Variants in NADK2 observed in about 807,000 individuals in gnomAD.
The protein encoded by NADK2 is NAD kinase domain-containing protein 1, mitochondrial.
A neutral mutation model predicts 62.1 loss-of-function variants in NADK2; 35 were observed. That is an observed-to-expected ratio of 0.56 (90% CI 0.43 to 0.75). The LOEUF (loss-of-function observed/expected upper bound fraction) is 0.75. Among genes scored for constraint, NADK2 ranks in the 30% least tolerant of loss-of-function variants. NADK2 has a pLI of 0.00. For synonymous variants in NADK2, 205 were observed against 207.9 expected (o/e 0.99, Z 0.12); for missense variants, 439 against 561.3 (o/e 0.78, Z 2.20).
In NADK2 at chr5:36,194,406, A is replaced by T. The variant is rs1202801800; in HGVS notation, c.*738T>A. 6.6e-6 allele frequency: 1 copy of T among 152,200 alleles called. No homozygotes were observed. Among genetic ancestry groups the T allele is most frequent in the East Asian group, 1.9e-4 (1 of 5,184 alleles). The allele number at this position is 152,200 out of a possible 1,614,324, so 9.4% of individuals were successfully genotyped here. ...AAGATGGAAGAAACCTGTAAGACTC[A>T]TATCATTTTAAAAAAATTGACTTAA... On this transcript the variant is annotated 3_prime_UTR_variant, in exon 12 of 12. Coordinates refer to ENST00000381937, the MANE Select transcript of NADK2 (RefSeq NM_001085411.3).
chr5:36,219,631 T>C lies in NADK2; in HGVS notation c.609A>G (p.Pro203=), dbSNP rs1020116175. 6.2e-7 allele frequency: 1 copy of C among 1,614,080 alleles called. No individual in the cohort carries two copies. The highest frequency in any genetic ancestry group is 1.3e-5 in the African/African-American group (1 of 75,044). The change falls in exon 5 of 12, where the codon CCA becomes CCG. Residue 203 remains proline (P), a synonymous_variant. Coordinates refer to ENST00000381937, the MANE Select transcript of NADK2 (RefSeq NM_001085411.3). ...CACGATAGAACTTCTGTAAGGCTTC[T>C]GGAAAGGAATGTGTATATCGAACGG... ...CLPVRYTHSF[P]EALQKFYRGE...
At position 36,197,579 on chromosome 5, in the gene NADK2, T is replaced by C. The variant is rs765140114; in HGVS notation, c.1152A>G (p.Arg384=). The change falls in exon 11 of 12, where the codon AGA becomes AGG. Residue 384 remains arginine (R), a synonymous_variant. Coordinates refer to ENST00000381937, the MANE Select transcript of NADK2 (RefSeq NM_001085411.3). The part of the protein sequence containing the change: ...LFSIREPIAN[R]VFSSSRQRCF... ...AACGCTGACGACTGCTTGAGAAAAC[T>C]CTATTTGCTATTGGTTCTCGAATAC... 58 of 1,612,290 alleles carry C rather than the reference T, an allele frequency of 3.6e-5. No homozygotes were observed. Among genetic ancestry groups the C allele is most frequent in the Non-Finnish European group, 4.2e-5 (49 of 1,179,020 alleles).
chr5:36,195,492 A>C (rs887213626), intron 11 of NADK2, among the ~76,000 whole-genome samples: 2 of 152,312 alleles, frequency 1.3e-5, no homozygotes, highest in Non-Finnish European at 1.5e-5. Flanking sequence ...AGCATTTAGC[A>C]GTAAAGAAGT....
At chr5:36,197,787 T>C (rs1266113465) in intron 10 of NADK2, 123 bp from the exon 11 acceptor site, 11 of 783,906 alleles carry the variant, frequency 1.4e-5, no homozygotes, top group Non-Finnish European at 2.1e-5. Flanking sequence ...GGAACAAGTT[T>C]CTTGAAACTC....
chr5:36,234,170 C>T (rs1047126323), intron 1 of NADK2, among the ~76,000 whole-genome samples: 16 of 151,584 alleles, frequency 1.1e-4, no homozygotes, highest in African/African-American at 3.6e-4. Flanking sequence ...GTCAGGAGAT[C>T]GAGACCATCC....
chr5:36,226,507 A>G lies in NADK2; in HGVS notation c.446T>C (p.Val149Ala). 1 of 1,613,090 alleles carries G rather than the reference A, an allele frequency of 6.2e-7. No individual in the cohort carries two copies. The highest frequency in any genetic ancestry group is 8.5e-7 in the Non-Finnish European group (1 of 1,179,520). The stretch of plus-strand genomic sequence containing the variant: ...AGCTATGACAGCATCTGCCCATCGA[A>G]CAGTCTCTTCATCATATTCTCTCCT... Reference protein sequence around the residue: ...VKRREYDEETVRWADAVIAAG... With the variant: ...VKRREYDEETARWADAVIAAG... The change falls in exon 3 of 12, where the codon GTT becomes GCT. Residue 149 changes from valine (V) to alanine (A), a missense_variant. Coordinates refer to ENST00000381937, the MANE Select transcript of NADK2 (RefSeq NM_001085411.3).
intron 1 of NADK2, among the ~76,000 whole-genome samples, chr5:36,240,483 T>C (rs896785285): frequency 2.0e-5 from 3 of 152,254 alleles, no homozygotes; most frequent in South Asian, 2.1e-4. Flanking sequence ...AAATCAGTTA[T>C]GTGCAATTAA....
At chr5:36,224,685 G>A (rs755226617) in intron 4 of NADK2, among the ~76,000 whole-genome samples, 1 of 152,120 alleles carries the variant, frequency 6.6e-6, no homozygotes, top group Non-Finnish European at 1.5e-5. Flanking sequence ...GATTTAGTGG[G>A]ATAAAGTAAT....
chr5:36,205,418 C>T lies in NADK2; in HGVS notation c.956+1752G>A, dbSNP rs1218169953. ...GTTGCATTGAGCAAAAATAAAAAGC[C>T]AAGCGAGAACAAAAAGTGTGCTGAG... On this transcript the variant is annotated intron_variant, in intron 8 of 11. Coordinates refer to ENST00000381937, the MANE Select transcript of NADK2 (RefSeq NM_001085411.3). This position sits in a 1 kb window ranked among gnomAD's most constrained non-coding sequence, Gnocchi z 4.1. 6.6e-6 allele frequency among the ~76,000 whole-genome samples: 1 copy of T among 151,980 alleles called. No individual in the cohort carries two copies. The highest frequency in any genetic ancestry group is 1.5e-5 in the Non-Finnish European group (1 of 67,980).
intron 4 of NADK2, among the ~76,000 whole-genome samples, chr5:36,220,407 G>A (rs888826841): frequency 4.6e-5 from 7 of 152,130 alleles, no homozygotes; most frequent in Middle Eastern, 3.2e-3. Context: ...TGTCCAGAAG[G>A]CTCAGTCATC....
Position 36,192,985 on chromosome 5 carries a change from C to G in NADK2, c.*2159G>C, listed in dbSNP as rs1025426427. On this transcript the variant is annotated 3_prime_UTR_variant, in exon 12 of 12. Transcript: ENST00000381937. ...AACATTCCTTTGCCTCTTATTCTTA[C>G]AAATAAACCCCCATCACAGAGCAGA... The G allele has an allele frequency of 6.6e-6, 1 of 152,164 alleles. No individual in the cohort carries two copies. The highest frequency in any genetic ancestry group is 2.4e-5 in the African/African-American group (1 of 41,420). The allele number at this position is 152,164 out of a possible 1,614,324, so 9.4% of individuals were successfully genotyped here.
intron 11 of NADK2, 59 bp from the exon 12 acceptor site, chr5:36,195,341 T>C: frequency 6.7e-7 from 1 of 1,500,160 alleles, no homozygotes; most frequent in Non-Finnish European, 8.9e-7. Context: ...GTTATTTTAA[T>C]CCTGAATTTT....
rs1747488839 is a variant in NADK2 at position 36,226,508 on chromosome 5, C to T, written c.445G>A (p.Val149Ile). The change falls in exon 3 of 12, where the codon GTT (valine) becomes ATT (isoleucine). Residue 149 changes from valine (V) to isoleucine (I), a missense_variant. Val to Ile is a conservative substitution (Grantham distance 29, BLOSUM62 3). Coordinates refer to ENST00000381937, the MANE Select transcript of NADK2 (RefSeq NM_001085411.3). ...GCTATGACAGCATCTGCCCATCGAACAGTCTCTTCATCATATTCTCTCCTC... is the reference window on the plus strand; with the variant it reads ...GCTATGACAGCATCTGCCCATCGAATAGTCTCTTCATCATATTCTCTCCTC... The part of the protein sequence containing the change: ...VKRREYDEET[V>I]RWADAVIAAG... The T allele has an allele frequency of 6.2e-7, 1 of 1,612,992 alleles. No homozygotes were observed. The highest frequency in any genetic ancestry group is 1.3e-5 in the African/African-American group (1 of 74,902).
chr5:36,224,942 T>C (rs1273685004), intron 4 of NADK2, among the ~76,000 whole-genome samples: 3 of 152,048 alleles, frequency 2.0e-5, no homozygotes, highest in African/African-American at 7.2e-5. Context: ...AAAAAATCAG[T>C]GGTAGCATAA....
chr5:36,207,296 G>C (rs1413871044), intron 7 of NADK2, 31 bp from the exon 8 acceptor site: 1 of 1,517,344 alleles, frequency 6.6e-7, no homozygotes, highest in South Asian at 1.1e-5. Context: ...ACTGTTTGCT[G>C]AGCTTATGGT....
At chr5:36,225,508 A>T (rs532064262) in intron 4 of NADK2, 34 bp downstream of exon 4, 2 of 1,579,726 alleles carry the variant, frequency 1.3e-6, no homozygotes, top group East Asian at 4.5e-5. Context: ...AGCACACCAC[A>T]CAAATCAAAC....
intron 6 of NADK2, among the ~76,000 whole-genome samples, chr5:36,216,840 A>C (rs1278876610): frequency 1.3e-5 from 2 of 152,154 alleles, no homozygotes; most frequent in African/African-American, 4.8e-5. Context: ...ATTATTTTTA[A>C]ATTGTACTTA....
At chr5:36,228,769 C>A (rs1438623616) in intron 1 of NADK2, among the ~76,000 whole-genome samples, 1 of 151,320 alleles carries the variant, frequency 6.6e-6, no homozygotes, top group Non-Finnish European at 1.5e-5. Context: ...CAAGTGCACA[C>A]CACCACAACC....
chr5:36,216,636 A>G (rs935566406), intron 6 of NADK2, among the ~76,000 whole-genome samples: 1 of 152,136 alleles, frequency 6.6e-6, no homozygotes, highest in African/African-American at 2.4e-5. Context: ...ATGATTCACT[A>G]AGTTTGTATG....
Sources: allele counts gnomAD v4.1 joint callset (sites outside exome capture counted in the v4.1 genomes callset), GRCh38; gene constraint gnomAD v4.1.1; non-coding constraint Gnocchi (gnomAD v3.1); transcripts MANE v1.5; gene names NCBI Gene and HGNC (gene_info 2026-07-23, HGNC 2026-07-21).